Variants in SUPT3H observed in about 807,000 individuals in gnomAD.
The protein encoded by SUPT3H is SPT3 homolog, SAGA and STAGA complex component, also known as transcription initiation protein SPT3 homolog.
SUPT3H carries 44 observed loss-of-function variants against 44.3 expected under a neutral mutation model. The observed-to-expected ratio is 0.99, with a 90% CI of 0.78 to 1.28. The LOEUF (loss-of-function observed/expected upper bound fraction) is 1.28. SUPT3H is among the 50% of genes most tolerant of loss of function. The pLI is 0.00. For missense variants in SUPT3H, 380 were observed against 387.1 expected (o/e 0.98, Z 0.15); for synonymous variants, 124 against 125.6 (o/e 0.99, Z 0.09).
Position 45,106,019 on chromosome 6 carries a change from T to A in SUPT3H, c.102-13A>T. The A allele has an allele frequency of 6.2e-7, 1 of 1,601,038 alleles. No individual in the cohort carries two copies. Among genetic ancestry groups the A allele is most frequent in the Non-Finnish European group, 8.6e-7 (1 of 1,168,750 alleles). On this transcript the variant is annotated splice_polypyrimidine_tract_variant and intron_variant, in intron 2 of 10. Transcript: ENST00000371459. ...ACCTAAAGAATACCTGCAAAATAAT[T>A]TTAAACACACCAATATTAAGGACTA...
At chr6:45,206,526 A>T (rs1763246702) in intron 2 of SUPT3H, among the ~76,000 whole-genome samples, 1 of 152,120 alleles carries the variant, frequency 6.6e-6, no homozygotes, top group Non-Finnish European at 1.5e-5. Context: ...GCCATTAAAG[A>T]ATTTCAAATT....
intron 10 of SUPT3H, among the ~76,000 whole-genome samples, chr6:44,879,836 CCTGA>C (rs1168364004): frequency 2.6e-5 from 4 of 152,264 alleles, no homozygotes; most frequent in South Asian, 2.1e-4. Flanking sequence ...AGCAGAGGGG[CCTGA>C]CTGTTAGAAG....
chr6:45,355,371 A>C (rs1359939139), intron 2 of SUPT3H, among the ~76,000 whole-genome samples: 1 of 152,034 alleles, frequency 6.6e-6, no homozygotes, highest in African/African-American at 2.4e-5. Context: ...TGTCTCTATG[A>C]GGAAGTATAA....
chr6:45,161,250 A>G (rs1181013526), intron 2 of SUPT3H, among the ~76,000 whole-genome samples: 1 of 152,120 alleles, frequency 6.6e-6, no homozygotes, highest in Non-Finnish European at 1.5e-5. Flanking sequence ...CAACACAAGA[A>G]CAGACTAACA....
intron 2 of SUPT3H, among the ~76,000 whole-genome samples, chr6:45,211,701 T>C (rs1764106151): frequency 6.6e-6 from 1 of 151,360 alleles, no homozygotes; most frequent in South Asian, 2.1e-4. Flanking sequence ...ATATAAAAAT[T>C]AGGGGGGCGT....
chr6:44,860,798 G>T (rs929987804), intron 10 of SUPT3H, among the ~76,000 whole-genome samples: 2 of 152,030 alleles, frequency 1.3e-5, no homozygotes, highest in African/African-American at 4.8e-5. Flanking sequence ...AATTCTAAAA[G>T]AATCTTTTTA....
rs539642367 is a variant in SUPT3H at position 45,015,781 on chromosome 6, A to C, written c.274-890T>G. ...TTAAACTTCTCTGTTAAAAACTAAG[A>C]TGCACACACGCGCGCGCACACACAC... On this transcript the variant is annotated intron_variant, in intron 4 of 10. Transcript: ENST00000371459. Among the ~76,000 whole-genome samples, 4 of 140,568 alleles carry C rather than the reference A, an allele frequency of 2.8e-5. No homozygotes were observed. In the Admixed American group the frequency reaches 3.1e-4, roughly 11 times the overall value. The allele number at this position is 140,568 out of a possible 152,430, so 92.2% of individuals were successfully genotyped here. A position where few individuals can be genotyped will look rare whatever the true frequency, so the allele number is the denominator to read the frequency against.
chr6:44,841,219 T>C (rs980755509), intron 10 of SUPT3H, among the ~76,000 whole-genome samples: 1 of 152,234 alleles, frequency 6.6e-6, no homozygotes, highest in African/African-American at 2.4e-5. Context: ...TATTATTAGT[T>C]GTTATATGAA....
intron 10 of SUPT3H, among the ~76,000 whole-genome samples, chr6:44,847,260 A>T (rs1452219154): frequency 6.6e-6 from 1 of 152,194 alleles, no homozygotes; most frequent in Non-Finnish European, 1.5e-5. Context: ...CTGAGACTAC[A>T]AGTCTGGTCA....
chr6:45,150,895 TG>T (rs1388169387), intron 2 of SUPT3H, among the ~76,000 whole-genome samples: 3 of 152,024 alleles, frequency 2.0e-5, no homozygotes, highest in Non-Finnish European at 4.4e-5. Context: ...GCTAGTTTTT[TG>T]TATTTTTAGT....
At chr6:44,910,639 T>A (rs939658603) in intron 10 of SUPT3H, among the ~76,000 whole-genome samples, 1 of 151,870 alleles carries the variant, frequency 6.6e-6, no homozygotes, top group African/African-American at 2.4e-5. Context: ...TAGGCAAATA[T>A]TTTCATTTCC....
chr6:45,026,786 T>C (rs762272629), intron 3 of SUPT3H, among the ~76,000 whole-genome samples: 2 of 152,132 alleles, frequency 1.3e-5, no homozygotes, highest in African/African-American at 2.4e-5. Context: ...TTAGTGTTCT[T>C]AGACACCCCA....
intron 2 of SUPT3H, among the ~76,000 whole-genome samples, chr6:45,153,799 G>A (rs1163052255): frequency 6.6e-6 from 1 of 152,116 alleles, no homozygotes; most frequent in Non-Finnish European, 1.5e-5. Flanking sequence ...CGGGCACGGT[G>A]GCTCACGCCT....
rs573263459 is a variant in SUPT3H at position 44,907,503 on chromosome 6, C to A, written c.912+25150G>T. On this transcript the variant is annotated intron_variant, in intron 10 of 10. Transcript: ENST00000371459. The stretch of plus-strand genomic sequence containing the variant: ...ACTAGGCTGGCCAACATGGTGAGAC[C>A]CTATCTCTACTAAAAATACAAAAAG... Among the ~76,000 whole-genome samples the A allele has an allele frequency of 3.5e-4, 54 of 152,118 alleles. 1 individual carries two copies. In the East Asian group the frequency reaches 9.5e-3, roughly 27 times the overall value.
chr6:44,959,668 T>G (rs73735274), intron 7 of SUPT3H, among the ~76,000 whole-genome samples: 1 of 152,266 alleles, frequency 6.6e-6, no homozygotes, highest in Admixed American at 6.5e-5. Context: ...CTGACTTATA[T>G]ACATATGAAA....
chr6:45,282,702 A>G (rs1023738540), intron 2 of SUPT3H, among the ~76,000 whole-genome samples: 3 of 152,238 alleles, frequency 2.0e-5, no homozygotes, highest in African/African-American at 4.8e-5. Flanking sequence ...CTAGCAAGGC[A>G]GGCCAACATG....
intron 2 of SUPT3H, among the ~76,000 whole-genome samples, chr6:45,268,196 A>G (rs1185479253): frequency 2.0e-5 from 3 of 152,214 alleles, no homozygotes; most frequent in African/African-American, 7.2e-5. Context: ...TGCTGCTATG[A>G]CATGACAGAC....
intron 2 of SUPT3H, among the ~76,000 whole-genome samples, chr6:45,202,477 A>G (rs1485885075): frequency 6.6e-6 from 1 of 152,060 alleles, no homozygotes; most frequent in East Asian, 1.9e-4. Context: ...TTTATATAAC[A>G]GTATCTTCAA....
chr6:45,005,976 A>G (rs1015948047), intron 5 of SUPT3H, among the ~76,000 whole-genome samples: 5 of 152,112 alleles, frequency 3.3e-5, no homozygotes, highest in African/African-American at 9.7e-5. Context: ...TTTACTATTT[A>G]GTGCTTATGG....
Sources: gnomAD v4.1 joint callset for allele counts (sites outside exome capture counted in the v4.1 genomes callset) on GRCh38, gnomAD v4.1.1 for gene constraint, MANE v1.5 for transcripts, NCBI Gene and HGNC (gene_info 2026-07-23, HGNC 2026-07-21) for gene names.